TNR: variants seen among roughly 807,000 people sequenced by gnomAD.
The protein encoded by TNR is tenascin-R.
A neutral mutation model predicts 150.4 loss-of-function variants in TNR; 45 were observed. That is an observed-to-expected ratio of 0.30 (90% CI 0.24 to 0.38). TNR has a LOEUF of 0.38. Ranked by LOEUF, TNR falls within the 10% of genes least tolerant of loss-of-function variation. The pLI is 1.00. For synonymous variants in TNR, 687 were observed against 678.4 expected (o/e 1.01, Z -0.20); for missense variants, 1,544 against 1,759.1 (o/e 0.88, Z 2.19).
In TNR at chr1:175,359,655, C is replaced by A. The variant is rs368917984; in HGVS notation, c.2931G>T (p.Val977=). 33 of 1,613,838 alleles carry A rather than the reference C, an allele frequency of 2.0e-5. No homozygotes were observed. The African/African-American group carries it at 4.1e-4, about 20-fold the overall frequency. The change falls in exon 15 of 23, where the codon GTG becomes GTT. Residue 977 remains valine (V), a synonymous_variant. Coordinates refer to ENST00000367674, the MANE Select transcript of TNR (RefSeq NM_003285.3). ...TEALLQWKAP[V]GEVENYVIVL... is the part of the protein sequence containing the mutation. ...CAATGACGTAGTTCTCCACCTCACC[C>A]ACTGGTGCCTTCCACTGCAGCAGGG...
intron 1 of TNR, among the ~76,000 whole-genome samples, chr1:175,542,838 C>T (rs76699665): frequency 0.019 from 2,890 of 152,250 alleles, 71 homozygotes; most frequent in African/African-American, 0.065. Context: ...TTCTTTCCAA[C>T]GCTTTTGCCC....
chr1:175,648,423 A>G (rs1664865162), intron 1 of TNR, among the ~76,000 whole-genome samples: 1 of 152,162 alleles, frequency 6.6e-6, no homozygotes. Context: ...AGTTTAAAAC[A>G]TCTTAAAAGG....
At chr1:175,394,392 G>C (rs984779068) in intron 5 of TNR, among the ~76,000 whole-genome samples, 1 of 152,178 alleles carries the variant, frequency 6.6e-6, no homozygotes, top group South Asian at 2.1e-4. Context: ...ACCAGTTTCA[G>C]AATTAATACT....
intron 1 of TNR, among the ~76,000 whole-genome samples, chr1:175,624,335 G>A (rs775068302): frequency 1.3e-5 from 2 of 152,128 alleles, no homozygotes; most frequent in Admixed American, 1.3e-4. Context: ...GTTATTCCTG[G>A]AGCTTCAGAA....
chr1:175,647,435 C>CAAAAAAAAAAAAAAA (rs397745737), intron 1 of TNR, among the ~76,000 whole-genome samples: 48 of 121,658 alleles, frequency 3.9e-4, no homozygotes, highest in African/African-American at 1.4e-3. Context: ...CTATTCGGTG[C>CAAAAAAAAAAAAAAA]AAAAAAAAAA....
At chr1:175,427,196 C>CG (rs1655029677) in intron 2 of TNR, among the ~76,000 whole-genome samples, 4 of 151,296 alleles carry the variant, frequency 2.6e-5, no homozygotes, top group African/African-American at 9.7e-5. Context: ...CAAGACATAA[C>CG]AACCCACAGC....
At chr1:175,582,803 A>G (rs1297352849) in intron 1 of TNR, among the ~76,000 whole-genome samples, 1 of 152,168 alleles carries the variant, frequency 6.6e-6, no homozygotes, top group Non-Finnish European at 1.5e-5. Flanking sequence ...AACCTTTACA[A>G]GGTGATTAAG....
At chr1:175,635,745 A>G (rs907792569) in intron 1 of TNR, among the ~76,000 whole-genome samples, 1 of 152,200 alleles carries the variant, frequency 6.6e-6, no homozygotes, top group African/African-American at 2.4e-5. Flanking sequence ...ACCCTCAATT[A>G]AACAATAGCA....
chr1:175,366,272 A>T lies in TNR; in HGVS notation c.2054-134T>A. 4 of 997,412 alleles carry T rather than the reference A, an allele frequency of 4.0e-6. No individual in the cohort carries two copies. The South Asian group carries it at 6.3e-5, about 16-fold the overall frequency. The allele number at this position is 997,412 out of a possible 1,614,324, so 61.8% of individuals were successfully genotyped here. The stretch of plus-strand genomic sequence containing the variant: ...CACTAGCTTGTCATTGCTGACACTT[A>T]TCTAATATTTTGCTAAGTACCTTCC... On this transcript the variant is annotated intron_variant, in intron 10 of 22. Coordinates refer to ENST00000367674, the MANE Select transcript of TNR (RefSeq NM_003285.3).
At chr1:175,513,795 T>C (rs901198985) in intron 2 of TNR, among the ~76,000 whole-genome samples, 4 of 152,230 alleles carry the variant, frequency 2.6e-5, no homozygotes, top group Non-Finnish European at 2.9e-5. Context: ...AGCTCTTTCC[T>C]CTGCCTGCTC....
intron 1 of TNR, among the ~76,000 whole-genome samples, chr1:175,687,127 C>T (rs1020527470): frequency 1.3e-5 from 2 of 152,162 alleles, no homozygotes; most frequent in African/African-American, 4.8e-5. Context: ...TGAGCTAAAG[C>T]TTAGTCAGAG....
chr1:175,507,237 G>C (rs1458911568), intron 2 of TNR, among the ~76,000 whole-genome samples: 2 of 152,162 alleles, frequency 1.3e-5, no homozygotes, highest in Non-Finnish European at 2.9e-5. Flanking sequence ...GGATGGAGTT[G>C]CTATGATGCA....
intron 17 of TNR, among the ~76,000 whole-genome samples, chr1:175,354,898 T>C (rs1009376925): frequency 6.6e-6 from 1 of 152,222 alleles, no homozygotes; most frequent in Non-Finnish European, 1.5e-5. Context: ...GTGCTTTTGG[T>C]TTCTGCATAT....
chr1:175,508,840 T>C (rs12734194), intron 2 of TNR, among the ~76,000 whole-genome samples: 17,477 of 152,140 alleles, frequency 0.11, 1,207 homozygotes, highest in Non-Finnish European at 0.17. Context: ...TAGTGTGGGG[T>C]CATTTGTGAC....
intron 1 of TNR, among the ~76,000 whole-genome samples, chr1:175,597,847 T>A (rs1277523302): frequency 1.3e-5 from 2 of 152,226 alleles, no homozygotes; most frequent in Non-Finnish European, 2.9e-5. Context: ...ACTACTGACT[T>A]TTCTGCAGTA....
At position 175,320,535 on chromosome 1, in the gene TNR, A is replaced by G. The variant is rs1648979795; in HGVS notation, c.*2822T>C. 1 of 152,122 alleles carries G rather than the reference A, an allele frequency of 6.6e-6. No individual in the cohort carries two copies. The highest frequency in any genetic ancestry group is 2.4e-5 in the African/African-American group (1 of 41,424). 9.4% of individuals were successfully genotyped at this position (152,122 alleles called of 1,614,324 possible). On this transcript the variant is annotated 3_prime_UTR_variant, in exon 23 of 23. Transcript: ENST00000367674. ...AAAAGGAAGATTTTTGTTTCCACTG[A>G]TGTTTCTTGACTTTCACCTGAATTG...
At chr1:175,459,948 A>G (rs905582423) in intron 2 of TNR, among the ~76,000 whole-genome samples, 2 of 152,176 alleles carry the variant, frequency 1.3e-5, no homozygotes, top group African/African-American at 2.4e-5. Context: ...ATGTATATAG[A>G]GTTTGCAGTA....
intron 2 of TNR, among the ~76,000 whole-genome samples, chr1:175,420,632 C>G (rs973466231): frequency 6.6e-6 from 1 of 152,186 alleles, no homozygotes; most frequent in Non-Finnish European, 1.5e-5. Context: ...GTCAGAATAA[C>G]AGAACACCTG....
chr1:175,585,105 C>T (rs1662515115), intron 1 of TNR, among the ~76,000 whole-genome samples: 1 of 152,160 alleles, frequency 6.6e-6, no homozygotes, highest in Non-Finnish European at 1.5e-5. Context: ...TCATGTCAAC[C>T]CATTTAACCT....
Sources: allele counts gnomAD v4.1 joint callset (sites outside exome capture counted in the v4.1 genomes callset), GRCh38; gene constraint gnomAD v4.1.1; transcripts MANE v1.5; gene names NCBI Gene and HGNC (gene_info 2026-07-23, HGNC 2026-07-21).